ITPR2: variants seen among roughly 807,000 people sequenced by gnomAD.
ITPR2 encodes inositol 1,4,5-trisphosphate-gated calcium channel ITPR2.
A neutral mutation model predicts 317.1 loss-of-function variants in ITPR2; 207 were observed. The observed-to-expected ratio is 0.65, with a 90% confidence interval of 0.58 to 0.73. ITPR2 has a LOEUF of 0.73. Ranked by LOEUF, ITPR2 falls within the 30% of genes least tolerant of loss-of-function variation. The pLI is 0.00. For synonymous variants in ITPR2, 1,156 were observed against 1,149.1 expected, an observed-to-expected ratio of 1.01 and a Z score of -0.12; for missense variants, 2,613 against 3,284.0, an observed-to-expected ratio of 0.80 and a Z score of 4.99.
intron 1 of ITPR2, among the ~76,000 whole-genome samples, chr12:26,791,482 G>T (rs1950340016): frequency 6.6e-6 from 1 of 151,870 alleles, no homozygotes; most frequent in South Asian, 2.1e-4. Context: ...TGAAACTTTT[G>T]GTTCCTAGTT....
At position 26,477,011 on chromosome 12, in the gene ITPR2, G is replaced by C. The variant is rs1942432437; in HGVS notation, c.6124-4C>G. On this transcript the variant is annotated splice_region_variant and splice_polypyrimidine_tract_variant and intron_variant, in intron 43 of 56. Transcript: ENST00000381340. ...GCAAAAGTTTAGATGCATTGTTCTA[G>C]AGACACAGATTGAGTTAATGTGCAT... 1 of 1,588,686 alleles carries C rather than the reference G, an allele frequency of 6.3e-7. No individual in the cohort carries two copies. The highest frequency in any genetic ancestry group is 8.6e-7 in the Non-Finnish European group (1 of 1,157,742).
chr12:26,378,663 G>A (rs563496672), intron 55 of ITPR2, among the ~76,000 whole-genome samples: 1 of 152,182 alleles, frequency 6.6e-6, no homozygotes, highest in African/African-American at 2.4e-5. Flanking sequence ...GTCCTGGGAG[G>A]GCAATGATAT....
chr12:26,534,829 T>C (rs999131371), intron 37 of ITPR2, among the ~76,000 whole-genome samples: 2 of 152,226 alleles, frequency 1.3e-5, no homozygotes, highest in African/African-American at 2.4e-5. Flanking sequence ...ATTAGTCACT[T>C]GCTGTATTTT....
At chr12:26,355,931 C>G (rs1261688272) in intron 55 of ITPR2, among the ~76,000 whole-genome samples, 3 of 152,284 alleles carry the variant, frequency 2.0e-5, no homozygotes, top group East Asian at 3.9e-4. Context: ...TGCATTCAGA[C>G]TAAACTTTCC....
At chr12:26,625,025 C>T (rs1347068890) in intron 23 of ITPR2, among the ~76,000 whole-genome samples, 2 of 152,046 alleles carry the variant, frequency 1.3e-5, no homozygotes, top group Admixed American at 1.3e-4. Context: ...GAATGAGATC[C>T]TGTCATCTGC....
At chr12:26,570,100 T>C (rs1174879522) in intron 34 of ITPR2, among the ~76,000 whole-genome samples, 2 of 152,234 alleles carry the variant, frequency 1.3e-5, no homozygotes, top group African/African-American at 4.8e-5. Flanking sequence ...ATACATTGAG[T>C]ACCTACTGTG....
intron 37 of ITPR2, among the ~76,000 whole-genome samples, chr12:26,534,568 C>T (rs1300298673): frequency 1.3e-5 from 2 of 152,186 alleles, no homozygotes; most frequent in African/African-American, 2.4e-5. Flanking sequence ...GGAGTATTCT[C>T]ACTTCAAAAA....
chr12:26,502,271 A>G (rs1288529247), intron 37 of ITPR2, among the ~76,000 whole-genome samples: 1 of 152,210 alleles, frequency 6.6e-6, no homozygotes, highest in Non-Finnish European at 1.5e-5. Context: ...TCCCTCACCA[A>G]TAGGACTTAA....
chr12:26,766,489 TAA>T (rs1221781435), intron 2 of ITPR2, among the ~76,000 whole-genome samples: 1 of 152,204 alleles, frequency 6.6e-6, no homozygotes. Flanking sequence ...TATCGATTTA[TAA>T]GAGTTCCTTA....
chr12:26,472,765 A>G (rs977154245), intron 45 of ITPR2, among the ~76,000 whole-genome samples: 3 of 152,082 alleles, frequency 2.0e-5, no homozygotes, highest in African/African-American at 7.2e-5. Context: ...TATGTTTTCT[A>G]TCATCTTTCC....
chr12:26,538,297 T>C (rs1944156908), intron 37 of ITPR2, among the ~76,000 whole-genome samples: 2 of 152,068 alleles, frequency 1.3e-5, no homozygotes, highest in Non-Finnish European at 1.5e-5. Flanking sequence ...ATTTGGGGCA[T>C]GTACCTGAAA....
At chr12:26,597,170 G>T (rs375416603) in intron 30 of ITPR2, 36 bp from the exon 31 acceptor site, 1 of 1,609,322 alleles carries the variant, frequency 6.2e-7, no homozygotes, top group Admixed American at 1.7e-5. Context: ...GTAGCAGTCC[G>T]AACATTCATC....
chr12:26,627,581 A>G (rs906502612), intron 23 of ITPR2, among the ~76,000 whole-genome samples: 4 of 152,226 alleles, frequency 2.6e-5, no homozygotes, highest in Non-Finnish European at 4.4e-5. Flanking sequence ...AATCTGTCTC[A>G]GTTCTTTGAT....
At chr12:26,735,612 T>C (rs979546331) in intron 2 of ITPR2, among the ~76,000 whole-genome samples, 1 of 152,258 alleles carries the variant, frequency 6.6e-6, no homozygotes, top group Non-Finnish European at 1.5e-5. Flanking sequence ...CACACACATA[T>C]GCACATGTGG....
chr12:26,782,041 G>T (rs1197039945), intron 2 of ITPR2, among the ~76,000 whole-genome samples: 815 of 37,200 alleles, frequency 0.022, 16 homozygotes, highest in East Asian at 0.041. Context: ...TATGTATAGA[G>T]AGAGAGAGAG....
At chr12:26,558,954 A>T (rs1366534588) in intron 35 of ITPR2, among the ~76,000 whole-genome samples, 1 of 152,206 alleles carries the variant, frequency 6.6e-6, no homozygotes, top group Non-Finnish European at 1.5e-5. Flanking sequence ...ACACAATCAT[A>T]TCAAAACCAG....
intron 37 of ITPR2, among the ~76,000 whole-genome samples, chr12:26,525,194 A>T (rs1943779268): frequency 6.6e-6 from 1 of 152,170 alleles, no homozygotes; most frequent in Admixed American, 6.5e-5. Context: ...TGGGCATGGA[A>T]GGCAGGGGAT....
chr12:26,727,226 C>T (rs907096313), intron 2 of ITPR2, among the ~76,000 whole-genome samples: 16 of 152,274 alleles, frequency 1.1e-4, no homozygotes, highest in African/African-American at 3.6e-4. Flanking sequence ...TTTCTTGAAG[C>T]ACAAATCCAC....
At chr12:26,448,170 A>T (rs1482135317) in intron 45 of ITPR2, among the ~76,000 whole-genome samples, 2 of 152,012 alleles carry the variant, frequency 1.3e-5, no homozygotes, top group Admixed American at 1.3e-4. Context: ...AAACTGAAAA[A>T]CTGCTAATGA....
Sources: gnomAD v4.1 joint callset for allele counts (sites outside exome capture counted in the v4.1 genomes callset) on GRCh38, gnomAD v4.1.1 for gene constraint, MANE v1.5 for transcripts, NCBI Gene and HGNC (gene_info 2026-07-23, HGNC 2026-07-21) for gene names.